The following ZNF469 variants were observed in gnomAD, a reference collection of about 807,000 sequenced individuals.
The protein encoded by ZNF469 is zinc finger protein 469.
In ZNF469, 1 loss-of-function variant was observed where a neutral mutation model predicts 1.0. The ratio of observed to expected loss-of-function variants is 1.00; its 90% CI spans 0.35 to 4.73. The LOEUF (loss-of-function observed/expected upper bound fraction) is 4.73. ZNF469 is among the 30% of genes most tolerant of loss of function. ZNF469 has a pLI of 0.16. For missense variants in ZNF469, 6,100 were observed against 5,356.3 expected (o/e 1.14, Z -4.33); for synonymous variants, 2,703 against 2,363.4 (o/e 1.14, Z -4.17).
the ZNF469 span, among the ~76,000 whole-genome samples, chr16:88,311,869 A>C: frequency 6.6e-6 from 1 of 152,220 alleles, no homozygotes; most frequent in African/African-American, 2.4e-5. Context: ...CTTTCAAATG[A>C]TTGATTGTGG....
chr16:88,313,336 G>T, the ZNF469 span, among the ~76,000 whole-genome samples: 5 of 152,114 alleles, frequency 3.3e-5, no homozygotes, highest in Admixed American at 6.5e-5. Context: ...CAACTAAAAT[G>T]GTGATCATTT....
the ZNF469 span, among the ~76,000 whole-genome samples, chr16:88,116,066 C>A: frequency 6.6e-6 from 1 of 152,224 alleles, no homozygotes; most frequent in Non-Finnish European, 1.5e-5. Context: ...GGAAAGTATT[C>A]ACTAACACAC....
At position 88,438,751 on chromosome 16, in the gene ZNF469, A is replaced by G. The variant is rs2142317382; in HGVS notation, c.11281A>G (p.Thr3761Ala). 2 of 1,549,980 alleles carry G rather than the reference A, an allele frequency of 1.3e-6. No individual in the cohort carries two copies. Among genetic ancestry groups the G allele is most frequent in the Non-Finnish European group, 1.7e-6 (2 of 1,146,836 alleles). ...AGCCAGCGGGCAGCTCCAGAGCGAG[A>G]CAGCCACCACCCCAGCCAAGCCCAG... ...QPASGQLQSETATTPAKPSFP... is the reference protein window; with the variant it reads ...QPASGQLQSEAATTPAKPSFP... Residue 3761 changes from threonine (T) to alanine (A), a missense_variant, in exon 3 of 3, where the codon ACA becomes GCA. Transcript: ENST00000565624.
At chr16:88,414,799 G>A (rs1389080220) in intron 1 of ZNF469, among the ~76,000 whole-genome samples, 1 of 152,258 alleles carries the variant, frequency 6.6e-6, no homozygotes, top group Non-Finnish European at 1.5e-5. Flanking sequence ...TGTGGCCAGA[G>A]GTCCACGCAG....
At chr16:88,226,226 G>T in the ZNF469 span, among the ~76,000 whole-genome samples, 2 of 152,220 alleles carry the variant, frequency 1.3e-5, no homozygotes, top group East Asian at 3.9e-4. Flanking sequence ...CCCCCCAAAA[G>T]GCATGTTAAG....
At chr16:88,129,601 C>A in the ZNF469 span, among the ~76,000 whole-genome samples, 1 of 152,196 alleles carries the variant, frequency 6.6e-6, no homozygotes, top group Non-Finnish European at 1.5e-5. Flanking sequence ...TGCCTATAAT[C>A]CCAGCACTTT....
At chr16:88,408,672 G>C (rs949439787) in intron 1 of ZNF469, among the ~76,000 whole-genome samples, 2 of 152,166 alleles carry the variant, frequency 1.3e-5, no homozygotes, top group Admixed American at 6.5e-5. Flanking sequence ...TTCCGGAATC[G>C]TCTCTCCCTT....
At chr16:88,375,675 G>A in the ZNF469 span, among the ~76,000 whole-genome samples, 1 of 152,142 alleles carries the variant, frequency 6.6e-6, no homozygotes, top group South Asian at 2.1e-4. Context: ...CCTGGGTGCC[G>A]GGCGCCATCG....
chr16:88,200,558 C>T, the ZNF469 span, among the ~76,000 whole-genome samples: 2 of 152,244 alleles, frequency 1.3e-5, no homozygotes, highest in African/African-American at 4.8e-5. Flanking sequence ...GAGAAGGCGC[C>T]ACGCCATCGG....
the ZNF469 span, among the ~76,000 whole-genome samples, chr16:88,371,407 G>T: frequency 1.3e-5 from 2 of 152,240 alleles, no homozygotes; most frequent in Non-Finnish European, 2.9e-5. Context: ...GACAAAGGGT[G>T]TGGCATATGT....
the ZNF469 span, among the ~76,000 whole-genome samples, chr16:88,329,978 GC>G: frequency 6.6e-6 from 1 of 152,252 alleles, no homozygotes; most frequent in African/African-American, 2.4e-5. Flanking sequence ...GGCACAGGGT[GC>G]CTGGGTACAG....
At chr16:88,218,897 G>A in the ZNF469 span, among the ~76,000 whole-genome samples, 1 of 145,338 alleles carries the variant, frequency 6.9e-6, no homozygotes, top group Non-Finnish European at 1.5e-5. Context: ...ATCTCCTTAA[G>A]CTGATAAGCA....
the ZNF469 span, among the ~76,000 whole-genome samples, chr16:88,323,977 A>G: frequency 6.6e-6 from 1 of 152,236 alleles, no homozygotes; most frequent in Non-Finnish European, 1.5e-5. Flanking sequence ...AAAACCAAGC[A>G]GAGTTACTTA....
the ZNF469 span, among the ~76,000 whole-genome samples, chr16:88,321,263 A>G: frequency 6.6e-6 from 1 of 152,252 alleles, no homozygotes; most frequent in African/African-American, 2.4e-5. Flanking sequence ...CAGGCTGGAA[A>G]CCCAGGCAGG....
At chr16:88,420,541 G>C (rs1035361220) in intron 1 of ZNF469, among the ~76,000 whole-genome samples, 4 of 152,232 alleles carry the variant, frequency 2.6e-5, no homozygotes, top group Non-Finnish European at 4.4e-5. Flanking sequence ...GGGCTCCCAG[G>C]CCTGGTCCCC....
At chr16:88,274,020 G>A in the ZNF469 span, among the ~76,000 whole-genome samples, 2 of 152,132 alleles carry the variant, frequency 1.3e-5, no homozygotes, top group Non-Finnish European at 2.9e-5. Context: ...GGCCATGATG[G>A]TCTCGATCTC....
At chr16:88,197,586 T>C in the ZNF469 span, among the ~76,000 whole-genome samples, 1 of 152,218 alleles carries the variant, frequency 6.6e-6, no homozygotes, top group Non-Finnish European at 1.5e-5. Context: ...CATAACAAAC[T>C]ACCCCCAACT....
At chr16:88,232,170 C>A in the ZNF469 span, among the ~76,000 whole-genome samples, 2 of 152,284 alleles carry the variant, frequency 1.3e-5, no homozygotes, top group Admixed American at 6.5e-5. Context: ...GCAACAGTTC[C>A]CAGGTTCAAG....
At chr16:88,109,051 G>C in the ZNF469 span, among the ~76,000 whole-genome samples, 2 of 152,244 alleles carry the variant, frequency 1.3e-5, no homozygotes, top group Admixed American at 6.5e-5. Context: ...GAGGTGACTT[G>C]TTACGCAAAA....
Sources: allele counts gnomAD v4.1 joint callset (sites outside exome capture counted in the v4.1 genomes callset), GRCh38; gene constraint gnomAD v4.1.1; transcripts MANE v1.5; gene names NCBI Gene and HGNC (gene_info 2026-07-23, HGNC 2026-07-21).